Variants in RBFOX3 observed in about 807,000 individuals in gnomAD.
RBFOX3 encodes the protein RNA binding protein fox-1 homolog 3.
In RBFOX3, 17 loss-of-function variants were observed where a neutral mutation model predicts 48.7. The observed-to-expected ratio is 0.35, with a 90% CI of 0.24 to 0.52. The LOEUF is 0.52. RBFOX3 is among the 20% of genes least tolerant of loss of function. The pLI is 0.94. For synonymous variants in RBFOX3, 212 were observed against 209.5 expected, an observed-to-expected ratio of 1.01 and a Z score of -0.10; for missense variants, 382 against 497.5, an observed-to-expected ratio of 0.77 and a Z score of 2.21.
chr17:79,653,270 A>G, the RBFOX3 span, among the ~76,000 whole-genome samples: 97,242 of 152,120 alleles, frequency 0.64, 36,371 homozygotes, highest in Non-Finnish European at 0.83. Context: ...CTGCCTTAAC[A>G]GTAACCTGTG....
At chr17:79,617,391 C>T in the RBFOX3 span, among the ~76,000 whole-genome samples, 2 of 151,402 alleles carry the variant, frequency 1.3e-5, no homozygotes, top group Non-Finnish European at 2.9e-5. Context: ...CCCTCGATCA[C>T]AAGCATCCCT....
At chr17:79,536,631 C>A (rs1178369273) in intron 1 of RBFOX3, among the ~76,000 whole-genome samples, 1 of 147,962 alleles carries the variant, frequency 6.8e-6, no homozygotes, top group Non-Finnish European at 1.5e-5. Flanking sequence ...CTGAAGGAGC[C>A]GGCCACAGGG....
intron 1 of RBFOX3, among the ~76,000 whole-genome samples, chr17:79,608,590 A>G (rs938510078): frequency 2.6e-5 from 4 of 152,130 alleles, no homozygotes; most frequent in Non-Finnish European, 5.9e-5. Flanking sequence ...GCACGCAGCC[A>G]CCTCGCCAGG....
intron 5 of RBFOX3, among the ~76,000 whole-genome samples, chr17:79,108,287 G>A (rs915654783): frequency 3.9e-5 from 6 of 152,236 alleles, no homozygotes; most frequent in East Asian, 1.9e-4. Context: ...CACGGCAGCC[G>A]GTACAAATGG....
intron 2 of RBFOX3, among the ~76,000 whole-genome samples, chr17:79,411,887 G>A (rs749291163): frequency 2.6e-4 from 40 of 152,324 alleles, no homozygotes; most frequent in Non-Finnish European, 5.1e-4. Context: ...TGTGCAGCGT[G>A]TATGCACGTG....
intron 1 of RBFOX3, among the ~76,000 whole-genome samples, chr17:79,529,487 A>C (rs1462970991): frequency 1.3e-5 from 2 of 152,186 alleles, no homozygotes; most frequent in African/African-American, 4.8e-5. Context: ...GCGTGCAAAG[A>C]AGCGGCTAGC....
chr17:79,150,764 C>T (rs35166330), intron 4 of RBFOX3, among the ~76,000 whole-genome samples: 21,370 of 152,170 alleles, frequency 0.14, 1,880 homozygotes, highest in Non-Finnish European at 0.18. Context: ...TGGGCACTTC[C>T]GAGAAAAGAG....
chr17:79,316,293 GAAAC>G (rs978615397), intron 2 of RBFOX3, among the ~76,000 whole-genome samples: 3 of 152,190 alleles, frequency 2.0e-5, no homozygotes, highest in Non-Finnish European at 2.9e-5. Flanking sequence ...CGTCACCCAT[GAAAC>G]AAACAGAGAA....
At chr17:79,154,537 G>A (rs1254777745) in intron 4 of RBFOX3, among the ~76,000 whole-genome samples, 1 of 152,236 alleles carries the variant, frequency 6.6e-6, no homozygotes, top group Non-Finnish European at 1.5e-5. Context: ...TGTGCTGAAG[G>A]GCTCAGAACC....
intron 1 of RBFOX3, among the ~76,000 whole-genome samples, chr17:79,582,395 C>T (rs1365565189): frequency 3.3e-5 from 5 of 152,218 alleles, no homozygotes; most frequent in African/African-American, 1.2e-4. Context: ...TTCAGCCTCG[C>T]TTCCACTCTG....
chr17:79,272,535 C>A (rs538629826), intron 3 of RBFOX3, among the ~76,000 whole-genome samples: 2 of 152,200 alleles, frequency 1.3e-5, no homozygotes, highest in Non-Finnish European at 2.9e-5. Flanking sequence ...CCTGCCCACG[C>A]GGGGCCACGC....
At chr17:79,253,145 G>A (rs1184365359) in intron 3 of RBFOX3, among the ~76,000 whole-genome samples, 1 of 152,112 alleles carries the variant, frequency 6.6e-6, no homozygotes, top group Non-Finnish European at 1.5e-5. Context: ...GACAGACACC[G>A]CAGAGGGAGG....
intron 1 of RBFOX3, among the ~76,000 whole-genome samples, chr17:79,511,243 T>C (rs1333568467): frequency 6.6e-6 from 1 of 152,180 alleles, no homozygotes; most frequent in Non-Finnish European, 1.5e-5. Flanking sequence ...AGGGTTGTGA[T>C]GTCCAGATAT....
rs1040392388 is a variant in RBFOX3, at chr17:79,362,062, T to A, written c.-174-54238A>T. Among the ~76,000 whole-genome samples the A allele has an allele frequency of 4.6e-5, 7 of 152,156 alleles. No individual in the cohort carries two copies. The highest frequency in any genetic ancestry group is 1.0e-4 in the Non-Finnish European group (7 of 68,012). Reference sequence around the variant, plus strand: ...CCCTGCCTGCTGCGTATTTACTCAGTCATCAAAGCGCAAATGTGGTGGGTA... The same window carrying A: ...CCCTGCCTGCTGCGTATTTACTCAGACATCAAAGCGCAAATGTGGTGGGTA... On this transcript the variant is annotated intron_variant, in intron 2 of 14. Transcript: ENST00000693108. This position sits in a 1 kb window ranked among gnomAD's most constrained non-coding sequence, Gnocchi z 4.2.
rs2077016342 is a variant in RBFOX3 at position 79,312,680 on chromosome 17, A to G, written c.-174-4856T>C. Among the ~76,000 whole-genome samples, 3 of 152,162 alleles carry G rather than the reference A, an allele frequency of 2.0e-5. No homozygotes were observed. In the South Asian group the frequency reaches 6.2e-4, roughly 32 times the overall value. On this transcript the variant is annotated intron_variant, in intron 2 of 14. Coordinates refer to ENST00000693108, the MANE Select transcript of RBFOX3 (RefSeq NM_001350451.2). ...CAGTAAGAAAGACTCAGGCCCAGGA[A>G]ACCCTCCAGCTCCTTCATGCACATA...
intron 1 of RBFOX3, among the ~76,000 whole-genome samples, chr17:79,499,760 C>T (rs958503863): frequency 6.6e-6 from 1 of 152,208 alleles, no homozygotes; most frequent in Non-Finnish European, 1.5e-5. Context: ...ATCCAGAATG[C>T]TTGCTCTGGT....
At chr17:79,469,055 A>G (rs2076730286) in intron 2 of RBFOX3, among the ~76,000 whole-genome samples, 1 of 152,102 alleles carries the variant, frequency 6.6e-6, no homozygotes, top group Non-Finnish European at 1.5e-5. Context: ...TGATTGATTG[A>G]CTGATCGACT....
the RBFOX3 span, among the ~76,000 whole-genome samples, chr17:79,628,884 C>G: frequency 6.6e-6 from 1 of 152,216 alleles, no homozygotes; most frequent in Middle Eastern, 3.2e-3. Context: ...CCCTTGTCCC[C>G]TGGGCTTGAC....
intron 3 of RBFOX3, among the ~76,000 whole-genome samples, chr17:79,270,892 G>A (rs2067550361): frequency 2.0e-5 from 3 of 152,236 alleles, no homozygotes; most frequent in South Asian, 2.1e-4. Context: ...AAATGAGGCC[G>A]AGAGGTTCAG....
Sources: gnomAD v4.1 joint callset for allele counts (sites outside exome capture counted in the v4.1 genomes callset) on GRCh38, gnomAD v4.1.1 for gene constraint, Gnocchi (gnomAD v3.1) non-coding constraint, MANE v1.5 for transcripts, NCBI Gene and HGNC (gene_info 2026-07-23, HGNC 2026-07-21) for gene names.